Variants in ATM observed in about 807,000 individuals in gnomAD.
ATM encodes the protein ATM serine/threonine kinase.
A neutral mutation model predicts 387.0 loss-of-function variants in ATM; 308 were observed. That is an observed-to-expected ratio of 0.80 (90% CI 0.73 to 0.87). The LOEUF (loss-of-function observed/expected upper bound fraction) is 0.87, where lower values mean the gene tolerates loss of function less well. Among genes scored for constraint, ATM ranks in the 40% least tolerant of loss-of-function variants. ATM has a pLI of 0.00. For synonymous variants in ATM, 1,156 were observed against 1,187.3 expected, an observed-to-expected ratio of 0.97 and a Z score of 0.54; for missense variants, 3,312 against 3,560.9, an observed-to-expected ratio of 0.93 and a Z score of 1.78.
chr11:108,279,644 T>G (rs896415974), intron 23 of ATM, 36 bp downstream of exon 23: 1 of 1,451,280 alleles, frequency 6.9e-7, no homozygotes. Context: ...TGTTATCATA[T>G]GCTTGCTATG....
chr11:108,281,085 A>G lies in ATM; in HGVS notation c.3493A>G (p.Ser1165Gly), dbSNP rs1351059730. Residue 1165 changes from serine to glycine, a missense_variant, in exon 24 of 63, where the codon AGC (serine) becomes GGC (glycine). Physicochemically the swap from Ser to Gly is moderately conservative, Grantham distance 56. Coordinates refer to ENST00000675843, the MANE Select transcript of ATM (RefSeq NM_000051.4). ...LTLIAVVLSC[S>G]PICEKQALFA... Reference sequence around the variant, plus strand: ...GTTGATAGCTGTGGTTTTATCCTGTAGCCCTATCTGCGAAAAACAGGCTTT... The same window carrying G: ...GTTGATAGCTGTGGTTTTATCCTGTGGCCCTATCTGCGAAAAACAGGCTTT... 7 of 1,613,958 alleles carry G rather than the reference A, an allele frequency of 4.3e-6. No homozygotes were observed. The South Asian group carries it at 7.7e-5, about 18-fold the overall frequency.
At chr11:108,347,582 G>A (rs1285723151) in intron 59 of ATM, among the ~76,000 whole-genome samples, 2 of 152,126 alleles carry the variant, frequency 1.3e-5, no homozygotes, top group African/African-American at 4.8e-5. Flanking sequence ...TGTCTTTTGA[G>A]CCTGGTCTTC....
At chr11:108,343,121 C>G in intron 56 of ATM, 101 bp from the exon 57 acceptor site, 1 of 1,456,816 alleles carries the variant, frequency 6.9e-7, no homozygotes, top group Non-Finnish European at 9.6e-7. Context: ...ATTAATACAA[C>G]TTGAAAAAAA....
chr11:108,226,039 A>AT (rs746282128), intron 1 of ATM: 3 of 152,086 alleles, frequency 2.0e-5, no homozygotes, highest in Non-Finnish European at 4.4e-5. Context: ...AAATATATGT[A>AT]TTTTTTCTCT....
intron 20 of ATM, 108 bp downstream of exon 20, chr11:108,271,514 A>T (rs764421886): frequency 8.1e-5 from 104 of 1,284,876 alleles, no homozygotes; most frequent in Middle Eastern, 3.7e-4. Flanking sequence ...TACATAGCTA[A>T]TACATCTTTT....
At chr11:108,285,060 A>G (rs1052669344) in intron 26 of ATM, among the ~76,000 whole-genome samples, 2 of 152,118 alleles carry the variant, frequency 1.3e-5, no homozygotes, top group African/African-American at 2.4e-5. Flanking sequence ...CCTGGGTTCA[A>G]GCAATTCTCC....
At chr11:108,359,535 C>A (rs559677001) in intron 61 of ATM, among the ~76,000 whole-genome samples, 1 of 152,124 alleles carries the variant, frequency 6.6e-6, no homozygotes, top group South Asian at 2.1e-4. Flanking sequence ...AAATTGACCC[C>A]ATAGTTGGAA....
At chr11:108,357,515 G>A (rs2090142111) in intron 61 of ATM, among the ~76,000 whole-genome samples, 1 of 152,214 alleles carries the variant, frequency 6.6e-6, no homozygotes, top group Non-Finnish European at 1.5e-5. Flanking sequence ...CAAAAAGACA[G>A]CAGTAACCTC....
chr11:108,293,111 A>G (rs2082895411), intron 30 of ATM, among the ~76,000 whole-genome samples: 2 of 152,170 alleles, frequency 1.3e-5, no homozygotes, highest in Admixed American at 6.5e-5. Flanking sequence ...TTTTAACCTC[A>G]GTACCCATCT....
intron 12 of ATM, among the ~76,000 whole-genome samples, 169 bp from the exon 13 acceptor site, chr11:108,253,645 A>G (rs2080276239): frequency 6.6e-6 from 1 of 152,156 alleles, no homozygotes; most frequent in African/African-American, 2.4e-5. Context: ...AGTAGGTCTC[A>G]AAGTCCGAAG....
rs1362987304 is a variant in ATM at position 108,365,524 on chromosome 11, T to G, written c.*16T>G. ...TTGGGTGTGATCTTCAGTATATGAATTACCCTTTCATTCAGCCTTTAGAAA... is the reference window on the plus strand; with the variant it reads ...TTGGGTGTGATCTTCAGTATATGAAGTACCCTTTCATTCAGCCTTTAGAAA... On this transcript the variant is annotated 3_prime_UTR_variant, in exon 63 of 63. Transcript: ENST00000675843. The G allele has an allele frequency of 6.2e-7, 1 of 1,613,216 alleles. No individual in the cohort carries two copies. The highest frequency in any genetic ancestry group is 2.2e-5 in the East Asian group (1 of 44,874).
intron 40 of ATM, 42 bp downstream of exon 40, chr11:108,312,540 C>T: frequency 4.9e-6 from 7 of 1,424,816 alleles, no homozygotes; most frequent in Non-Finnish European, 6.9e-6. Flanking sequence ...GTATTTATCT[C>T]ATACTTTGGG....
intron 16 of ATM, among the ~76,000 whole-genome samples, chr11:108,262,562 GA>G (rs2080964223): frequency 6.6e-6 from 1 of 152,208 alleles, no homozygotes; most frequent in Admixed American, 6.5e-5. Context: ...AGACTAGGAA[GA>G]AACTGCATCA....
chr11:108,255,628 G>A (rs2080428068), intron 13 of ATM, among the ~76,000 whole-genome samples: 1 of 151,992 alleles, frequency 6.6e-6, no homozygotes, highest in African/African-American at 2.4e-5. Context: ...GTTTCACCAC[G>A]TTAGCCAGGT....
chr11:108,365,579 C>A lies in ATM; in HGVS notation c.*71C>A, dbSNP rs2137937707. On this transcript the variant is annotated 3_prime_UTR_variant, in exon 63 of 63. Transcript: ENST00000675843. ...ATTTTAGCCTTTATTTTTAACCTGCCAACATACTTTAAGTAGGGATTAATA... is the reference window on the plus strand; with the variant it reads ...ATTTTAGCCTTTATTTTTAACCTGCAAACATACTTTAAGTAGGGATTAATA... 1 of 1,515,082 alleles carries A rather than the reference C, an allele frequency of 6.6e-7. No individual in the cohort carries two copies. The highest frequency in any genetic ancestry group is 9.0e-7 in the Non-Finnish European group (1 of 1,112,442). 93.9% of individuals were successfully genotyped at this position (1,515,082 alleles called of 1,614,324 possible).
chr11:108,298,363 T>G (rs2083234662), intron 33 of ATM, among the ~76,000 whole-genome samples: 1 of 152,256 alleles, frequency 6.6e-6, no homozygotes, highest in Non-Finnish European at 1.5e-5. Context: ...AATTGAGATA[T>G]ATCCTAATAT....
intron 61 of ATM, among the ~76,000 whole-genome samples, chr11:108,357,187 G>A (rs377289086): frequency 6.6e-6 from 1 of 152,324 alleles, no homozygotes; most frequent in East Asian, 1.9e-4. Flanking sequence ...GGTGACAGAC[G>A]GCACCTGGAA....
At chr11:108,315,779 G>T (rs185700860) in intron 40 of ATM, 44 bp from the exon 41 acceptor site, 3 of 1,508,246 alleles carry the variant, frequency 2.0e-6, no homozygotes, top group Non-Finnish European at 2.8e-6. Flanking sequence ...TTTATAGACC[G>T]ATTTTTTTTC....
At chr11:108,289,967 TC>T in intron 29 of ATM, 166 bp downstream of exon 29, 1 of 608,230 alleles carries the variant, frequency 1.6e-6, no homozygotes, top group East Asian at 2.9e-5. Flanking sequence ...AGATTATCCT[TC>T]CTCCTCACCC....
Sources: allele counts gnomAD v4.1 joint callset (sites outside exome capture counted in the v4.1 genomes callset), GRCh38; gene constraint gnomAD v4.1.1; transcripts MANE v1.5; gene names NCBI Gene and HGNC (gene_info 2026-07-23, HGNC 2026-07-21).